The following VWA3B variants were observed in gnomAD, a reference collection of about 807,000 sequenced individuals.
The protein encoded by VWA3B is von Willebrand factor A domain-containing protein 3B.
A neutral mutation model predicts 158.3 loss-of-function variants in VWA3B; 138 were observed. The ratio of observed to expected loss-of-function variants is 0.87; its 90% CI spans 0.76 to 1.00. The LOEUF is 1.00. Ranked by LOEUF, VWA3B falls within the 50% of genes least tolerant of loss-of-function variation. The pLI is 0.00. For missense variants in VWA3B, 1,555 were observed against 1,565.1 expected (o/e 0.99, Z 0.11); for synonymous variants, 596 against 587.3 (o/e 1.01, Z -0.21).
chr2:98,279,459 T>A (rs1392083011), intron 22 of VWA3B, among the ~76,000 whole-genome samples: 1 of 152,114 alleles, frequency 6.6e-6, no homozygotes, highest in East Asian at 1.9e-4. Flanking sequence ...CCTAAACAGA[T>A]CTGGGGACAG....
chr2:98,274,681 C>G (rs937077096), intron 22 of VWA3B, among the ~76,000 whole-genome samples: 1 of 152,150 alleles, frequency 6.6e-6, no homozygotes, highest in African/African-American at 2.4e-5. Context: ...AGGAAATGGA[C>G]ACCAGGGAGG....
intron 7 of VWA3B, among the ~76,000 whole-genome samples, chr2:98,146,825 C>T (rs1323439746): frequency 2.0e-5 from 3 of 152,170 alleles, no homozygotes; most frequent in Admixed American, 6.5e-5. Flanking sequence ...ACTTATATAG[C>T]TTCGTTCATC....
intron 1 of VWA3B, among the ~76,000 whole-genome samples, chr2:98,092,814 T>TTG (rs1553633922): frequency 0.014 from 1,158 of 84,868 alleles, 34 homozygotes; most frequent in African/African-American, 0.048. Flanking sequence ...CTAGATGTTT[T>TTG]TGTATATATA....
intron 7 of VWA3B, among the ~76,000 whole-genome samples, chr2:98,138,449 C>G (rs1285644124): frequency 6.6e-6 from 1 of 152,184 alleles, no homozygotes; most frequent in African/African-American, 2.4e-5. Context: ...TGTATTTTTT[C>G]ATGAGCTCGC....
chr2:98,195,620 G>T (rs1681979054), intron 12 of VWA3B, among the ~76,000 whole-genome samples: 1 of 151,772 alleles, frequency 6.6e-6, no homozygotes, highest in Non-Finnish European at 1.5e-5. Context: ...ACAATAATAG[G>T]AAATACCTTG....
At chr2:98,282,339 C>T (rs970730659) in intron 22 of VWA3B, among the ~76,000 whole-genome samples, 1 of 151,998 alleles carries the variant, frequency 6.6e-6, no homozygotes, top group Non-Finnish European at 1.5e-5. Context: ...TGAATAATTC[C>T]TTCCATAAAG....
At chr2:98,310,744 G>A (rs890353875) in intron 26 of VWA3B, among the ~76,000 whole-genome samples, 3 of 152,148 alleles carry the variant, frequency 2.0e-5, no homozygotes, top group Non-Finnish European at 2.9e-5. Flanking sequence ...CCACACAAGC[G>A]CTGGCCTCAG....
At chr2:98,166,163 C>T (rs868477824) in intron 8 of VWA3B, among the ~76,000 whole-genome samples, 1 of 152,158 alleles carries the variant, frequency 6.6e-6, no homozygotes, top group Non-Finnish European at 1.5e-5. Flanking sequence ...ATGGCAAAAC[C>T]CCATCTCTAC....
intron 6 of VWA3B, among the ~76,000 whole-genome samples, chr2:98,130,557 C>T (rs1207752824): frequency 2.0e-5 from 3 of 152,164 alleles, no homozygotes; most frequent in Non-Finnish European, 4.4e-5. Context: ...GTTTGTGTCC[C>T]TGGGTACTTG....
intron 22 of VWA3B, among the ~76,000 whole-genome samples, chr2:98,271,430 C>T (rs1384282409): frequency 6.6e-6 from 1 of 152,154 alleles, no homozygotes; most frequent in East Asian, 1.9e-4. Context: ...CTTATTGCTA[C>T]CACTTGGGAG....
intron 13 of VWA3B, among the ~76,000 whole-genome samples, chr2:98,214,639 T>G (rs1326698561): frequency 6.6e-6 from 1 of 152,216 alleles, no homozygotes; most frequent in East Asian, 1.9e-4. Flanking sequence ...ATACACATGA[T>G]TCTGCACCTT....
At position 98,208,280 on chromosome 2, in the gene VWA3B, GCATAAATCGGGT is replaced by G; in HGVS notation, c.1738-3646_1738-3635del. On this transcript the variant is annotated intron_variant, in intron 12 of 27. Transcript: ENST00000477737. ...GCCTGAAGTGAGTTTCCTGTAGACA[GCATAAATCGGGT>G]CATGTTTTTGTTCACTCTTCAATCT... Among the ~76,000 whole-genome samples the G allele has an allele frequency of 2.6e-5, 4 of 152,136 alleles. No individual in the cohort carries two copies. In the East Asian group the frequency reaches 5.8e-4, roughly 22 times the overall value.
chr2:98,201,939 T>G (rs545832921), intron 12 of VWA3B, among the ~76,000 whole-genome samples: 1 of 152,348 alleles, frequency 6.6e-6, no homozygotes, highest in African/African-American at 2.4e-5. Flanking sequence ...GTTGAGGTTT[T>G]TTTGTCTATA....
rs1408378527 is a variant in VWA3B at position 98,093,292 on chromosome 2, C to T, written c.196+4C>T. Reference sequence around the variant, plus strand: ...ATCGGATTCCCACATTGTGAAGGTACAGTACTCACAAACAACCAGCATGCT... The same window carrying T: ...ATCGGATTCCCACATTGTGAAGGTATAGTACTCACAAACAACCAGCATGCT... On this transcript the variant is annotated splice_donor_region_variant and intron_variant, in intron 2 of 27. Coordinates refer to ENST00000477737, the MANE Select transcript of VWA3B (RefSeq NM_144992.5). 1 of 1,612,678 alleles carries T rather than the reference C, an allele frequency of 6.2e-7. No homozygotes were observed. Among genetic ancestry groups the T allele is most frequent in the South Asian group, 1.1e-5 (1 of 91,012 alleles).
At chr2:98,220,901 A>AT (rs2105624528) in intron 14 of VWA3B, among the ~76,000 whole-genome samples, 2 of 152,296 alleles carry the variant, frequency 1.3e-5, no homozygotes, top group East Asian at 3.9e-4. Flanking sequence ...GTTCTCACTT[A>AT]TAAGTGGGAG....
At chr2:98,201,657 C>A (rs1166444290) in intron 12 of VWA3B, among the ~76,000 whole-genome samples, 1 of 152,046 alleles carries the variant, frequency 6.6e-6, no homozygotes. Flanking sequence ...ATCTTGTTAA[C>A]CAATTTCCCT....
At chr2:98,246,186 T>A (rs1198966470) in intron 19 of VWA3B, among the ~76,000 whole-genome samples, 1 of 152,120 alleles carries the variant, frequency 6.6e-6, no homozygotes, top group African/African-American at 2.4e-5. Flanking sequence ...TGTCTTGAAA[T>A]CTCAATTTTT....
chr2:98,327,668 A>G, the VWA3B span, among the ~76,000 whole-genome samples: 1 of 152,206 alleles, frequency 6.6e-6, no homozygotes, highest in Non-Finnish European at 1.5e-5. Flanking sequence ...AAACTGATGA[A>G]GGGCATGGTT....
intron 8 of VWA3B, among the ~76,000 whole-genome samples, chr2:98,180,086 C>CTCTTTCTT (rs57697305): frequency 6.9e-6 from 1 of 144,322 alleles, no homozygotes; most frequent in African/African-American, 2.6e-5. Context: ...CTTTCTTTCT[C>CTCTTTCTT]TCTTTCTTTC....
Sources: gnomAD v4.1 joint callset for allele counts (sites outside exome capture counted in the v4.1 genomes callset) on GRCh38, gnomAD v4.1.1 for gene constraint, MANE v1.5 for transcripts, NCBI Gene and HGNC (gene_info 2026-07-23, HGNC 2026-07-21) for gene names.